FRMD4B: variants seen among roughly 807,000 people sequenced by gnomAD.
FRMD4B encodes FERM domain containing 4B.
In FRMD4B, 74 loss-of-function variants were observed where a neutral mutation model predicts 141.5. The observed-to-expected ratio is 0.52, with a 90% confidence interval of 0.43 to 0.63. The LOEUF (loss-of-function observed/expected upper bound fraction) is 0.63. Ranked by LOEUF, FRMD4B falls within the 30% of genes least tolerant of loss-of-function variation. The pLI is 0.00. For missense variants in FRMD4B, 1,366 were observed against 1,253.4 expected (o/e 1.09, Z -1.36); for synonymous variants, 506 against 467.9 (o/e 1.08, Z -1.05).
intron 1 of FRMD4B, among the ~76,000 whole-genome samples, chr3:69,472,966 G>A (rs1220528485): frequency 1.5e-4 from 19 of 123,486 alleles, no homozygotes; most frequent in Admixed American, 2.4e-4. Context: ...CTTAGGGGGT[G>A]GAATCTTATT....
chr3:69,397,133 G>T (rs1267818835), intron 2 of FRMD4B, among the ~76,000 whole-genome samples: 2 of 152,076 alleles, frequency 1.3e-5, no homozygotes, highest in Non-Finnish European at 2.9e-5. Flanking sequence ...TTGATGAGTG[G>T]ATATACAAAA....
chr3:69,304,432 C>T (rs753738492), intron 3 of FRMD4B, among the ~76,000 whole-genome samples: 5 of 143,704 alleles, frequency 3.5e-5, no homozygotes, highest in African/African-American at 7.8e-5. Context: ...TGCAGTGAGC[C>T]GAGGTCATGC....
At chr3:69,387,117 C>T (rs1704276500), upstream of FRMD4B, among the ~76,000 whole-genome samples, 1 of 152,152 alleles carries the variant, frequency 6.6e-6, no homozygotes, top group African/African-American at 2.4e-5. Context: ...CAAGGAGTCT[C>T]GCCTACCACC....
chr3:69,528,089 G>C lies in FRMD4B; in HGVS notation c.-129+14117C>G, dbSNP rs576738549. Among the ~76,000 whole-genome samples, 4 of 152,264 alleles carry C rather than the reference G, an allele frequency of 2.6e-5. No individual in the cohort carries two copies. The East Asian group carries it at 7.7e-4, about 29-fold the overall frequency. On this transcript the variant is annotated intron_variant, in intron 1 of 5. Transcript: ENST00000459638. ...CTTCCAGAAACCCACAGCCCATTTA[G>C]TCCATTACCTTCCCTCCTTTGATAG... is the stretch of plus-strand genomic sequence containing the variant.
intron 2 of FRMD4B, among the ~76,000 whole-genome samples, chr3:69,409,156 T>A (rs577611767): frequency 6.6e-6 from 1 of 152,240 alleles, no homozygotes; most frequent in East Asian, 1.9e-4. Context: ...AAACTGGCAT[T>A]GCTTGGTTCA....
chr3:69,389,637 T>C (rs1704338933), upstream of FRMD4B, among the ~76,000 whole-genome samples: 1 of 152,188 alleles, frequency 6.6e-6, no homozygotes, highest in South Asian at 2.1e-4. Flanking sequence ...CTTTCCTCTT[T>C]TGTAGAAGAA....
At chr3:69,457,476 C>T (rs1705638130) in intron 1 of FRMD4B, among the ~76,000 whole-genome samples, 1 of 152,178 alleles carries the variant, frequency 6.6e-6, no homozygotes, top group Non-Finnish European at 1.5e-5. Context: ...AACAATGTTT[C>T]TACCAGTCTT....
Position 69,528,122 on chromosome 3 carries a change from A to G in FRMD4B, c.-129+14084T>C, listed in dbSNP as rs1354059452. Among the ~76,000 whole-genome samples, 3 of 152,148 alleles carry G rather than the reference A, an allele frequency of 2.0e-5. No individual in the cohort carries two copies. The South Asian group carries it at 6.2e-4, about 31-fold the overall frequency. ...CCTTCCCTCCTTTGATAGACATGGG[A>G]TGGACAAATATCTCTCTGCCCAAGA... On this transcript the variant is annotated intron_variant, in intron 1 of 5. Coordinates refer to the FRMD4B transcript ENST00000459638.
chr3:69,435,945 C>G (rs999497419), intron 1 of FRMD4B, among the ~76,000 whole-genome samples: 1 of 152,100 alleles, frequency 6.6e-6, no homozygotes, highest in South Asian at 2.1e-4. Context: ...ATAAAAGGCT[C>G]TATTTATGGG....
intron 7 of FRMD4B, among the ~76,000 whole-genome samples, chr3:69,242,694 G>GAAAAAA (rs200579533): frequency 6.9e-6 from 1 of 145,278 alleles, no homozygotes; most frequent in African/African-American, 2.6e-5. Flanking sequence ...CAAAATCTTA[G>GAAAAAA]GAAAAAAAAA....
intron 7 of FRMD4B, among the ~76,000 whole-genome samples, chr3:69,240,046 T>A (rs1330538097): frequency 6.6e-6 from 1 of 151,226 alleles, no homozygotes; most frequent in African/African-American, 2.4e-5. Context: ...AGAGCAAGAC[T>A]CTGTCTCAAA....
At chr3:69,389,948 C>T (rs1181390184), upstream of FRMD4B, among the ~76,000 whole-genome samples, 1 of 151,590 alleles carries the variant, frequency 6.6e-6, no homozygotes, top group Non-Finnish European at 1.5e-5. Context: ...TTTCTTTCCT[C>T]CTCAGCACAG....
At chr3:69,478,450 A>G (rs2106971357) in intron 1 of FRMD4B, among the ~76,000 whole-genome samples, 1 of 152,150 alleles carries the variant, frequency 6.6e-6, no homozygotes, top group African/African-American at 2.4e-5. Context: ...TTCTGCCTTC[A>G]TTTCGTTAGG....
At chr3:69,388,266 GT>G (rs1279336339), upstream of FRMD4B, among the ~76,000 whole-genome samples, 22 of 152,160 alleles carry the variant, frequency 1.4e-4, no homozygotes, top group African/African-American at 4.6e-4. Context: ...AATGTCAGCA[GT>G]CACTTTCAAA....
intron 1 of FRMD4B, among the ~76,000 whole-genome samples, chr3:69,473,419 G>C (rs1310526583): frequency 6.6e-6 from 1 of 152,076 alleles, no homozygotes; most frequent in African/African-American, 2.4e-5. Flanking sequence ...TCTACAATTT[G>C]GCTTCATTGG....
At chr3:69,500,685 G>GC (rs1037366365) in intron 1 of FRMD4B, among the ~76,000 whole-genome samples, 5 of 151,820 alleles carry the variant, frequency 3.3e-5, no homozygotes, top group South Asian at 2.1e-4. Flanking sequence ...CACAGAGAAG[G>GC]CCCCCCCACC....
chr3:69,438,275 T>C (rs927887791), intron 1 of FRMD4B, among the ~76,000 whole-genome samples: 8 of 151,804 alleles, frequency 5.3e-5, no homozygotes, highest in African/African-American at 1.9e-4. Flanking sequence ...TGGGTAACTT[T>C]TAATTTTTTT....
chr3:69,370,335 C>T (rs1459533341), intron 1 of FRMD4B, among the ~76,000 whole-genome samples: 2 of 152,272 alleles, frequency 1.3e-5, no homozygotes, highest in East Asian at 1.9e-4. Context: ...CAGGAAATAG[C>T]GATCGCTTGA....
At chr3:69,360,291 G>A (rs1047545919) in intron 1 of FRMD4B, among the ~76,000 whole-genome samples, 1 of 152,012 alleles carries the variant, frequency 6.6e-6, no homozygotes, top group East Asian at 1.9e-4. Flanking sequence ...CCTCCTATAT[G>A]TATTATTTTG....
Sources: allele counts gnomAD v4.1 joint callset (sites outside exome capture counted in the v4.1 genomes callset), GRCh38; gene constraint gnomAD v4.1.1; transcripts MANE v1.5; gene names NCBI Gene and HGNC (gene_info 2026-07-23, HGNC 2026-07-21).